SLC4A1: variants seen among roughly 807,000 people sequenced by gnomAD.
SLC4A1 encodes the protein band 3 anion transport protein.
Under a neutral mutation model 93.1 loss-of-function variants are expected in SLC4A1, and 29 were observed. That is an observed-to-expected ratio of 0.31 (90% CI 0.23 to 0.42). The LOEUF (loss-of-function observed/expected upper bound fraction) is 0.42, where lower values mean the gene tolerates loss of function less well. Among genes scored for constraint, SLC4A1 ranks in the 20% least tolerant of loss-of-function variants. SLC4A1 has a pLI of 1.00. For missense variants in SLC4A1, 965 were observed against 1,190.1 expected, an observed-to-expected ratio of 0.81 and a Z score of 2.78; for synonymous variants, 469 against 497.2, an observed-to-expected ratio of 0.94 and a Z score of 0.76.
Position 44,258,585 on chromosome 17 carries a change from C to T in SLC4A1, c.915G>A (p.Gly305=), listed in dbSNP as rs758598353. The change falls in exon 10 of 20, where the codon GGG becomes GGA. Residue 305 remains glycine, a synonymous_variant. Coordinates refer to ENST00000262418, the MANE Select transcript of SLC4A1 (RefSeq NM_000342.4). The surrounding 1 kb of genome is among the most constrained non-coding windows in gnomAD (Gnocchi z 6.1). ...RIDAYMAQSR[G]ELLHSLEGFL... is the part of the protein sequence containing the mutation. The stretch of plus-strand genomic sequence containing the variant: ...AGCCCTCTAGGGAGTGCAGCAGCTC[C>T]CCTCGGCTCTGAGCCATGTAGGCAT... The T allele has an allele frequency of 2.5e-6, 4 of 1,611,814 alleles. No homozygotes were observed. The highest frequency in any genetic ancestry group is 2.2e-5 in the East Asian group (1 of 44,816).
At chr17:44,266,586 A>G (rs2047497721) in intron 1 of SLC4A1, among the ~76,000 whole-genome samples, 1 of 152,168 alleles carries the variant, frequency 6.6e-6, no homozygotes, top group Admixed American at 6.5e-5. Context: ...GTTCTGAGAC[A>G]TCAGTGAGAG....
rs759802639 is a variant in SLC4A1, at chr17:44,257,977, G to C, written c.1282+9C>G. On this transcript the variant is annotated intron_variant, in intron 11 of 19. Coordinates refer to ENST00000262418, the MANE Select transcript of SLC4A1 (RefSeq NM_000342.4). ...GGCAAGAGTTAGGGAGACAGGTATT[G>C]GCACTGACCCAGGAGGCCGCCGAAG... 5.0e-6 allele frequency: 8 copies of C among 1,613,872 alleles called. No homozygotes were observed. The highest frequency in any genetic ancestry group is 6.8e-6 in the Non-Finnish European group (8 of 1,179,936).
At chr17:44,265,992 A>G (rs574987183) in intron 1 of SLC4A1, among the ~76,000 whole-genome samples, 9 of 152,018 alleles carry the variant, frequency 5.9e-5, no homozygotes, top group East Asian at 5.8e-4. Context: ...AAAAAAAAAA[A>G]AAAGAAAGAA....
At chr17:44,260,603 G>T in intron 5 of SLC4A1, 32 bp downstream of exon 5, 1 of 1,614,152 alleles carries the variant, frequency 6.2e-7, no homozygotes, top group Middle Eastern at 1.6e-4. Context: ...ATCCTCATCT[G>T]CAGGGGGTCC....
At chr17:44,254,457 T>TACCC in intron 16 of SLC4A1, 39 bp downstream of exon 16, 132 of 1,282,666 alleles carry the variant, frequency 1.0e-4, no homozygotes, top group Non-Finnish European at 1.3e-4. Context: ...GGTCCCTGCC[T>TACCC]CCCACCCTCC....
chr17:44,263,070 G>A, intron 1 of SLC4A1, 136 bp from the exon 2 acceptor site: 1 of 737,056 alleles, frequency 1.4e-6, no homozygotes, highest in South Asian at 1.6e-5. Flanking sequence ...AAGTGTGGAG[G>A]GAAAGGGAGA....
At chr17:44,263,976 A>G (rs894895843) in intron 1 of SLC4A1, among the ~76,000 whole-genome samples, 2 of 151,902 alleles carry the variant, frequency 1.3e-5, no homozygotes, top group Non-Finnish European at 2.9e-5. Context: ...GGGTCTCACT[A>G]TCTCAGTGTG....
At chr17:44,251,019 C>T in intron 19 of SLC4A1, 140 bp downstream of exon 19, 1 of 922,974 alleles carries the variant, frequency 1.1e-6, no homozygotes, top group Non-Finnish European at 1.7e-6. Flanking sequence ...AGATCATATG[C>T]TAGGACACAG....
Position 44,259,250 on chromosome 17 carries a change from G to A in SLC4A1, c.789C>T (p.Arg263=). The A allele has an allele frequency of 6.2e-7, 1 of 1,614,048 alleles. No homozygotes were observed. Among genetic ancestry groups the A allele is most frequent in the Non-Finnish European group, 8.5e-7 (1 of 1,180,036 alleles). Reference sequence around the variant, plus strand: ...CAGGTCCCAGCAACACAAAGAGGAAGCGTATAGGCACCGGCAGCTCCACCG... The same window carrying A: ...CAGGTCCCAGCAACACAAAGAGGAAACGTATAGGCACCGGCAGCTCCACCG... The part of the protein sequence containing the change: ...LEAVELPVPI[R]FLFVLLGPEA... Residue 263 remains arginine, a synonymous_variant, in exon 9 of 20, where the codon CGC becomes CGT. Coordinates refer to ENST00000262418, the MANE Select transcript of SLC4A1 (RefSeq NM_000342.4).
In SLC4A1 at chr17:44,259,175, G is replaced by A. The variant is rs2144616709; in HGVS notation, c.864C>T (p.Leu288=). The A allele has an allele frequency of 6.2e-7, 1 of 1,613,998 alleles. No homozygotes were observed. Among genetic ancestry groups the A allele is most frequent in the Non-Finnish European group, 8.5e-7 (1 of 1,180,032 alleles). ...YTQLGRAAAT[L]MSERVFRIDA... is the part of the protein sequence containing the mutation. ...GGCCCTTCCTTACCCTCTCTGACAT[G>A]AGGGTGGCAGCAGCCCGGCCAAGCT... is the stretch of plus-strand genomic sequence containing the variant. Residue 288 remains leucine (L), a synonymous_variant, in exon 9 of 20, where the codon CTC becomes CTT. Coordinates refer to ENST00000262418, the MANE Select transcript of SLC4A1 (RefSeq NM_000342.4).
rs142866653 is a variant in SLC4A1, at chr17:44,259,216, G to C, written c.823C>G (p.His275Asp). ...LFVLLGPEAP[H>D]IDYTQLGRAA... ...CGGCCAAGCTGGGTGTAATCGATGT[G>C]GGGGGCCTCAGGTCCCAGCAACACA... Residue 275 changes from histidine to aspartate, a missense_variant, in exon 9 of 20, where the codon CAC (histidine) becomes GAC (aspartate). His to Asp is a moderately conservative substitution (Grantham distance 81, BLOSUM62 -1). Coordinates refer to ENST00000262418, the MANE Select transcript of SLC4A1 (RefSeq NM_000342.4). The C allele has an allele frequency of 1.7e-5, 28 of 1,614,026 alleles. No homozygotes were observed. In the East Asian group the frequency reaches 5.3e-4, roughly 31 times the overall value.
At chr17:44,251,368 C>G in intron 18 of SLC4A1, 36 bp from the exon 19 acceptor site, 1 of 1,614,190 alleles carries the variant, frequency 6.2e-7, no homozygotes, top group Non-Finnish European at 8.5e-7. Flanking sequence ...CCTATCACAC[C>G]CCAGCACCCT....
At chr17:44,255,102 GC>G (rs1283028060) in intron 15 of SLC4A1, 104 bp downstream of exon 15, 16 of 796,256 alleles carry the variant, frequency 2.0e-5, no homozygotes, top group Non-Finnish European at 3.2e-5. Context: ...GGTAGTCCCA[GC>G]TGGCTTCAGG....
At chr17:44,251,114 C>T (rs368896205) in intron 19 of SLC4A1, 45 bp downstream of exon 19, 31 of 1,553,972 alleles carry the variant, frequency 2.0e-5, no homozygotes, top group Non-Finnish European at 2.4e-5. Flanking sequence ...ACGCGCCCCT[C>T]GCATGCTCCC....
chr17:44,259,683 C>T (rs1331235855), intron 7 of SLC4A1, 102 bp from the exon 8 acceptor site: 4 of 1,538,836 alleles, frequency 2.6e-6, no homozygotes, highest in Non-Finnish European at 3.6e-6. Context: ...CTCCTGGCAC[C>T]CCCCGGGCAC....
intron 9 of SLC4A1, 126 bp downstream of exon 9, chr17:44,259,037 G>T: frequency 2.0e-6 from 2 of 985,516 alleles, no homozygotes; most frequent in Non-Finnish European, 3.1e-6. Context: ...GATAGCAGCA[G>T]CTGGATTAGG....
At chr17:44,259,080 C>A in intron 9 of SLC4A1, 83 bp downstream of exon 9, 1 of 1,433,180 alleles carries the variant, frequency 7.0e-7, no homozygotes, top group South Asian at 1.2e-5. Flanking sequence ...CCTAAAGTAA[C>A]CCAGGCCAGG....
At chr17:44,264,702 G>A (rs1386765337) in intron 1 of SLC4A1, among the ~76,000 whole-genome samples, 1 of 152,178 alleles carries the variant, frequency 6.6e-6, no homozygotes. Context: ...TGGGGAGCCA[G>A]GATGACTAGG....
chr17:44,259,143 C>G lies in SLC4A1; in HGVS notation c.876+20G>C. On this transcript the variant is annotated intron_variant, in intron 9 of 19. Transcript: ENST00000262418. ...AGGTCCCAAGCTTCCCCAGCCCAGC[C>G]CTCTCCGGCCCTTCCTTACCCTCTC... 1 of 1,613,298 alleles carries G rather than the reference C, an allele frequency of 6.2e-7. No individual in the cohort carries two copies. Among genetic ancestry groups the G allele is most frequent in the Non-Finnish European group, 8.5e-7 (1 of 1,179,868 alleles).
Sources: gnomAD v4.1 joint callset for allele counts (sites outside exome capture counted in the v4.1 genomes callset) on GRCh38, gnomAD v4.1.1 for gene constraint, Gnocchi (gnomAD v3.1) non-coding constraint, MANE v1.5 for transcripts, NCBI Gene and HGNC (gene_info 2026-07-23, HGNC 2026-07-21) for gene names.